Variants in PGK1 observed in about 807,000 individuals in gnomAD.
PGK1 encodes the protein PRP 2.
A neutral mutation model predicts 26.9 loss-of-function variants in PGK1; 3 were observed. That is an observed-to-expected ratio of 0.11 (90% CI 0.05 to 0.29). The LOEUF (loss-of-function observed/expected upper bound fraction) is 0.29. Among genes scored for constraint, PGK1 ranks in the 10% least tolerant of loss-of-function variants. The pLI is 1.00. For synonymous variants in PGK1, 125 were observed against 115.3 expected (o/e 1.08, Z -0.54); for missense variants, 270 against 314.7 (o/e 0.86, Z 1.07).
intron 7 of PGK1, 48 bp from the exon 8 acceptor site, chrX:78,123,147 G>T: frequency 9.8e-7 from 1 of 1,018,696 alleles, no homozygotes. Context: ...AGGCAGTCTT[G>T]TTCTTAGTAT....
intron 1 of PGK1, 76 bp downstream of exon 1, chrX:78,104,481 C>G (rs889929794): frequency 2.5e-6 from 2 of 794,808 alleles, no homozygotes; most frequent in African/African-American, 2.0e-5. Context: ...CTTGTTCTCT[C>G]GTCTGCTCTA....
At chrX:78,110,629 T>C (rs1040905307) in intron 2 of PGK1, among the ~76,000 whole-genome samples, 4 of 110,064 alleles carry the variant, frequency 3.6e-5, no homozygotes, top group African/African-American at 1.3e-4. Flanking sequence ...ACAAAAAATA[T>C]AAAAATTTAA....
rs2078292621 is a variant in PGK1, at chrX:78,110,068, T to TTA, written c.116+153_116+154dup. 3 of 485,652 alleles carry TTA rather than the reference T, an allele frequency of 6.2e-6. No individual in the cohort carries two copies. The South Asian group carries it at 8.8e-5, about 14-fold the overall frequency. The allele number at this position is 485,652 out of a possible 1,213,427, so 40.0% of individuals were successfully genotyped here. Reference sequence around the variant, plus strand: ...TCAACCCACTCTCTGATCTGCTTTCTTATTTATGAGAATATACAAATATAA... The same window carrying TTA: ...TCAACCCACTCTCTGATCTGCTTTCTTATATTTATGAGAATATACAAATATAA... On this transcript the variant is annotated intron_variant, in intron 2 of 10. Coordinates refer to ENST00000373316, the MANE Select transcript of PGK1 (RefSeq NM_000291.4).
At chrX:78,117,908 G>T in intron 5 of PGK1, 143 bp from the exon 6 acceptor site, 1 of 591,695 alleles carries the variant, frequency 1.7e-6, no homozygotes. Flanking sequence ...GTACCTAAGT[G>T]TTTTTTGTTG....
rs1557247222 is a variant in PGK1 at position 78,114,173 on chromosome X, A to G, written c.417+13A>G. 8 of 1,200,490 alleles carry G rather than the reference A, an allele frequency of 6.7e-6. No homozygotes were observed. The highest frequency in any genetic ancestry group is 2.3e-4 in the Middle Eastern group (1 of 4,347). On this transcript the variant is annotated intron_variant, in intron 4 of 10. Coordinates refer to ENST00000373316, the MANE Select transcript of PGK1 (RefSeq NM_000291.4). Reference sequence around the variant, plus strand: ...TTCTGGGAACAAGGTAGGACCTGTGATTTTGACATTATTGGGGGTGAGGGC... The same window carrying G: ...TTCTGGGAACAAGGTAGGACCTGTGGTTTTGACATTATTGGGGGTGAGGGC...
rs1557248770 is a variant in PGK1, at chrX:78,126,914, TAA to T, written c.*1085_*1086del. The T allele has an allele frequency of 2.7e-5, 3 of 112,801 alleles. No individual in the cohort carries two copies. In the Admixed American group the frequency reaches 2.8e-4, roughly 11 times the overall value. 9.3% of individuals were successfully genotyped at this position (112,801 alleles called of 1,213,427 possible). ...TTCATTCCCAAATCTTCTAGAAGCATAAGTGTCTCAATATATTAAAACATATT... is the reference window on the plus strand; with the variant it reads ...TTCATTCCCAAATCTTCTAGAAGCATGTGTCTCAATATATTAAAACATATT... On this transcript the variant is annotated 3_prime_UTR_variant, in exon 11 of 11. Coordinates refer to ENST00000373316, the MANE Select transcript of PGK1 (RefSeq NM_000291.4).
Position 78,114,133 on chromosome X carries a change from G to A in PGK1, c.390G>A (p.Gly130=), listed in dbSNP as rs146350576. Residue 130 remains glycine, a synonymous_variant, in exon 4 of 11, where the codon GGG becomes GGA. Transcript: ENST00000373316. The part of the protein sequence containing the change: ...ENLRFHVEEE[G]KGKDASGNKV... ...TCCGCTTTCATGTGGAGGAAGAAGG[G>A]AAGGGAAAAGATGCTTCTGGGAACA... is the stretch of plus-strand genomic sequence containing the variant. 1.5e-4 allele frequency: 178 copies of A among 1,209,457 alleles called. 1 individual carries two copies. In the African/African-American group the frequency reaches 3.1e-3, roughly 21 times the overall value.
rs187305612 is a variant in PGK1 at position 78,107,949 on chromosome X, G to A, written c.66-1918G>A. On this transcript the variant is annotated intron_variant, in intron 1 of 10. Coordinates refer to ENST00000373316, the MANE Select transcript of PGK1 (RefSeq NM_000291.4). ...TGTGCCTGAAGCAAAGCTCAGGGGT[G>A]TTATAAGGAAACGAAAAAAAAAAAA... 7.7e-3 allele frequency among the ~76,000 whole-genome samples: 777 copies of A among 101,094 alleles called. 11 individuals are homozygous for A. The highest frequency in any genetic ancestry group is 0.028 in the African/African-American group (741 of 26,457). 87.8% of individuals were successfully genotyped at this position (101,094 alleles called of 115,157 possible).
intron 4 of PGK1, among the ~76,000 whole-genome samples, chrX:78,116,755 C>T (rs185232569): frequency 8.6e-4 from 97 of 112,465 alleles, no homozygotes; most frequent in African/African-American, 3.0e-3. Context: ...TGCCTAGCTT[C>T]CAGAGAAGGT....
In PGK1 at chrX:78,123,336, C is replaced by G. The variant is rs201707198; in HGVS notation, c.898C>G (p.Gln300Glu). ...DKFDENAKTGQATVASGIPAG... is the reference protein window; with the variant it reads ...DKFDENAKTGEATVASGIPAG... ...GTTTGATGAGAATGCCAAGACTGGC[C>G]AAGCCACTGTGGCTTCTGGCATACC... is the stretch of plus-strand genomic sequence containing the variant. Residue 300 changes from glutamine to glutamate, a missense_variant, in exon 8 of 11, where the codon CAA (glutamine) becomes GAA (glutamate). Gln to Glu is a conservative substitution (Grantham distance 29). Transcript: ENST00000373316. 7.5e-6 allele frequency: 9 copies of G among 1,204,368 alleles called. No individual in the cohort carries two copies. Among genetic ancestry groups the G allele is most frequent in the South Asian group, 7.1e-5 (4 of 56,424 alleles).
Position 78,122,208 on chromosome X carries a change from G to C in PGK1, c.642-627G>C, listed in dbSNP as rs372061662. 3.6e-5 allele frequency among the ~76,000 whole-genome samples: 4 copies of C among 110,689 alleles called. No individual in the cohort carries two copies. In the South Asian group the frequency reaches 1.5e-3, roughly 42 times the overall value. Reference sequence around the variant, plus strand: ...CGGCAACAGAGTGAGACTTTGTGTTGAAAAGAGAGAGAGAAAAAAATGTCC... The same window carrying C: ...CGGCAACAGAGTGAGACTTTGTGTTCAAAAGAGAGAGAGAAAAAAATGTCC... On this transcript the variant is annotated intron_variant, in intron 6 of 10. Transcript: ENST00000373316.
At chrX:78,113,603 C>A in intron 2 of PGK1, 141 bp from the exon 3 acceptor site, 1 of 553,935 alleles carries the variant, frequency 1.8e-6, no homozygotes, top group Non-Finnish European at 3.1e-6. Flanking sequence ...TCTTAAGGAC[C>A]ACCATTGAAT....
intron 1 of PGK1, among the ~76,000 whole-genome samples, chrX:78,108,262 G>C (rs781933646): frequency 2.9e-3 from 328 of 112,450 alleles, no homozygotes; most frequent in Admixed American, 7.3e-3. Flanking sequence ...ACTGCAAGAA[G>C]TGGCTTGTGC....
Position 78,123,381 on chromosome X carries a change from C to T in PGK1, c.936+7C>T. 8.4e-7 allele frequency: 1 copy of T among 1,190,547 alleles called. No individual in the cohort carries two copies. Among genetic ancestry groups the T allele is most frequent in the Non-Finnish European group, 1.1e-6 (1 of 876,983 alleles). Reference sequence around the variant, plus strand: ...CATACCTGCTGGCTGGATGGTGAGTCACTTGAGTGGGTTGGTAGTGTGAGT... The same window carrying T: ...CATACCTGCTGGCTGGATGGTGAGTTACTTGAGTGGGTTGGTAGTGTGAGT... On this transcript the variant is annotated splice_region_variant and intron_variant, in intron 8 of 10. Transcript: ENST00000373316.
chrX:78,120,725 G>C (rs1434147887), intron 6 of PGK1, among the ~76,000 whole-genome samples: 3 of 111,082 alleles, frequency 2.7e-5, no homozygotes, highest in African/African-American at 9.8e-5. Context: ...CGAACTCTGG[G>C]GCTCAGGCGA....
Position 78,117,426 on chromosome X carries a change from C to G in PGK1, c.521+11C>G. The G allele has an allele frequency of 9.9e-7, 1 of 1,010,805 alleles. No individual in the cohort carries two copies. Among genetic ancestry groups the G allele is most frequent in the Non-Finnish European group, 1.4e-6 (1 of 711,909 alleles). 83.3% of individuals were successfully genotyped at this position (1,010,805 alleles called of 1,213,427 possible). A position where few individuals can be genotyped will look rare whatever the true frequency, so the allele number is the denominator to read the frequency against. On this transcript the variant is annotated intron_variant, in intron 5 of 10. Coordinates refer to ENST00000373316, the MANE Select transcript of PGK1 (RefSeq NM_000291.4). ...TCACAGAGCCCACAGGTACCAAGAA[C>G]CTTGTAGACTACCACACTGAGAACA...
chrX:78,126,222 C>A lies in PGK1; in HGVS notation c.*392C>A. On this transcript the variant is annotated 3_prime_UTR_variant, in exon 11 of 11. Coordinates refer to ENST00000373316, the MANE Select transcript of PGK1 (RefSeq NM_000291.4). Reference sequence around the variant, plus strand: ...GAAATTCCATTTGTAGGTAGTGAGACAAAATTGATGATCCATTAAGTAAAC... The same window carrying A: ...GAAATTCCATTTGTAGGTAGTGAGAAAAAATTGATGATCCATTAAGTAAAC... The A allele has an allele frequency of 5.9e-6, 1 of 170,819 alleles. No homozygotes were observed. Among genetic ancestry groups the A allele is most frequent in the East Asian group, 1.2e-4 (1 of 8,049 alleles). 14.1% of individuals were successfully genotyped at this position (170,819 alleles called of 1,213,427 possible). A position where few individuals can be genotyped will look rare whatever the true frequency, so the allele number is the denominator to read the frequency against.
At chrX:78,107,962 GAAAAA>G (rs146163611) in intron 1 of PGK1, among the ~76,000 whole-genome samples, 1 of 74,844 alleles carries the variant, frequency 1.3e-5, no homozygotes, top group Non-Finnish European at 2.8e-5. Flanking sequence ...ATAAGGAAAC[GAAAAA>G]AAAAAAAAAG....
At chrX:78,104,779 T>C (rs1482481781) in intron 1 of PGK1, among the ~76,000 whole-genome samples, 3 of 111,772 alleles carry the variant, frequency 2.7e-5, no homozygotes, top group Non-Finnish European at 5.7e-5. Context: ...CCTTGAAAGG[T>C]CATTTTACTT....
Sources: gnomAD v4.1 joint callset for allele counts (sites outside exome capture counted in the v4.1 genomes callset) on GRCh38, gnomAD v4.1.1 for gene constraint, MANE v1.5 for transcripts, NCBI Gene and HGNC (gene_info 2026-07-23, HGNC 2026-07-21) for gene names.